SLC36A1: variants seen among roughly 807,000 people sequenced by gnomAD.
The protein encoded by SLC36A1 is proton-coupled amino acid transporter 1.
SLC36A1 carries 30 observed loss-of-function variants against 47.5 expected under a neutral mutation model. That is an observed-to-expected ratio of 0.63 (90% confidence interval 0.47 to 0.86). The LOEUF (loss-of-function observed/expected upper bound fraction) is 0.86. Among genes scored for constraint, SLC36A1 ranks in the 40% least tolerant of loss-of-function variants. SLC36A1 has a pLI of 0.00. For synonymous variants in SLC36A1, 255 were observed against 249.7 expected, an observed-to-expected ratio of 1.02 and a Z score of -0.20; for missense variants, 517 against 606.0, an observed-to-expected ratio of 0.85 and a Z score of 1.54.
the SLC36A1 span, among the ~76,000 whole-genome samples, chr5:151,350,028 T>G: frequency 6.6e-6 from 1 of 152,086 alleles, no homozygotes; most frequent in Admixed American, 6.5e-5. Context: ...CTGGTAGAAA[T>G]GATCACTGGT....
At chr5:151,356,077 C>A in the SLC36A1 span, among the ~76,000 whole-genome samples, 1 of 151,678 alleles carries the variant, frequency 6.6e-6, no homozygotes, top group Non-Finnish European at 1.5e-5. Flanking sequence ...GTTAAGAATA[C>A]AGGAGGATCC....
intron 3 of SLC36A1, among the ~76,000 whole-genome samples, chr5:151,464,105 A>G (rs1755981887): frequency 6.6e-6 from 1 of 152,198 alleles, no homozygotes; most frequent in African/African-American, 2.4e-5. Flanking sequence ...GGAGTTGAAG[A>G]GAGACTCAGA....
the SLC36A1 span, among the ~76,000 whole-genome samples, chr5:151,376,884 C>T: frequency 1.6e-4 from 25 of 152,178 alleles, no homozygotes; most frequent in Non-Finnish European, 2.1e-4. Flanking sequence ...CCACCTGCCT[C>T]GGCTTCCCAA....
At chr5:151,366,637 G>A in the SLC36A1 span, 21,574 of 160,654 alleles carry the variant, frequency 0.13, 4,228 homozygotes, top group African/African-American at 0.44. Flanking sequence ...GCCCAGATGG[G>A]GGATGAGGAT....
the SLC36A1 span, among the ~76,000 whole-genome samples, chr5:151,501,330 TG>T: frequency 6.6e-6 from 1 of 151,682 alleles, no homozygotes; most frequent in Non-Finnish European, 1.5e-5. Flanking sequence ...CTCCCACGGG[TG>T]TGCCTTCTTT....
chr5:151,380,981 C>T, the SLC36A1 span: 1 of 392,764 alleles, frequency 2.5e-6, no homozygotes, highest in African/African-American at 2.1e-5. Context: ...ATCCCTCCAA[C>T]CCTATAACAG....
the SLC36A1 span, chr5:151,528,126 G>A: frequency 9.9e-6 from 16 of 1,613,726 alleles, no homozygotes; most frequent in Admixed American, 1.7e-5. Flanking sequence ...TTCATCAGTC[G>A]CTGATACCTG....
At chr5:151,492,443 C>T (rs1480021502), downstream of SLC36A1, 1 of 149,668 alleles carries the variant, frequency 6.7e-6, no homozygotes, top group East Asian at 2.0e-4. Context: ...TTACTAGATA[C>T]TGGGTTAAAT....
the SLC36A1 span, among the ~76,000 whole-genome samples, chr5:151,401,076 G>T: frequency 6.6e-6 from 1 of 152,138 alleles, no homozygotes; most frequent in African/African-American, 2.4e-5. Flanking sequence ...TGAGGGCTTA[G>T]TCATAAATTC....
At chr5:151,426,421 A>T in the SLC36A1 span, among the ~76,000 whole-genome samples, 1 of 152,084 alleles carries the variant, frequency 6.6e-6, no homozygotes, top group Non-Finnish European at 1.5e-5. Context: ...AAACGTGAGC[A>T]AAGGTCTCTG....
At chr5:151,507,151 G>A in the SLC36A1 span, 1 of 1,572,556 alleles carries the variant, frequency 6.4e-7, no homozygotes, top group Non-Finnish European at 8.6e-7. Flanking sequence ...TGGCTATACT[G>A]ACCCATCTCC....
At chr5:151,529,704 C>T in the SLC36A1 span, among the ~76,000 whole-genome samples, 2 of 152,198 alleles carry the variant, frequency 1.3e-5, no homozygotes, top group African/African-American at 4.8e-5. Flanking sequence ...CCCTGTGGAG[C>T]AGGGACAATT....
the SLC36A1 span, among the ~76,000 whole-genome samples, chr5:151,415,916 G>A: frequency 6.6e-6 from 1 of 151,968 alleles, no homozygotes; most frequent in East Asian, 1.9e-4. Context: ...GACCAGCCTG[G>A]CTAACATGGT....
At chr5:151,369,976 G>A in the SLC36A1 span, among the ~76,000 whole-genome samples, 245 of 151,850 alleles carry the variant, frequency 1.6e-3, 1 homozygote, top group Non-Finnish European at 1.9e-3. Flanking sequence ...TATATTTTCA[G>A]TAGAGATGGG....
upstream of SLC36A1, among the ~76,000 whole-genome samples, chr5:151,443,451 G>A (rs1407654316): frequency 6.6e-6 from 1 of 152,108 alleles, no homozygotes; most frequent in East Asian, 1.9e-4. Flanking sequence ...TATGCTCACT[G>A]AGCATTTTTA....
At chr5:151,424,170 T>G in the SLC36A1 span, among the ~76,000 whole-genome samples, 1 of 152,140 alleles carries the variant, frequency 6.6e-6, no homozygotes, top group African/African-American at 2.4e-5. Flanking sequence ...ATTGCCTGGG[T>G]GTGGAGAGTG....
chr5:151,553,146 G>T, the SLC36A1 span: 3 of 1,603,020 alleles, frequency 1.9e-6, no homozygotes, highest in Non-Finnish European at 1.7e-6. Context: ...GGGAGGGGTT[G>T]GCCCTTGTTG....
upstream of SLC36A1, among the ~76,000 whole-genome samples, chr5:151,436,487 G>A (rs997373361): frequency 6.6e-6 from 1 of 151,770 alleles, no homozygotes; most frequent in Admixed American, 6.6e-5. Flanking sequence ...TCTAAGTGAG[G>A]GGTCACAGGT....
At chr5:151,520,622 TC>T in the SLC36A1 span, among the ~76,000 whole-genome samples, 2 of 151,986 alleles carry the variant, frequency 1.3e-5, no homozygotes, top group African/African-American at 4.8e-5. Context: ...TTACGTAATT[TC>T]CCCCCCGAAC....
Sources: gnomAD v4.1 joint callset for allele counts (sites outside exome capture counted in the v4.1 genomes callset) on GRCh38, gnomAD v4.1.1 for gene constraint, MANE v1.5 for transcripts, NCBI Gene and HGNC (gene_info 2026-07-23, HGNC 2026-07-21) for gene names.